The following NHLRC2 variants were observed in gnomAD, a reference collection of about 807,000 sequenced individuals.
The protein encoded by NHLRC2 is NHL repeat containing 2, also known as NHL repeat-containing protein 2.
Under a neutral mutation model 68.1 loss-of-function variants are expected in NHLRC2, and 33 were observed. The observed-to-expected ratio is 0.48, with a 90% confidence interval of 0.37 to 0.65. NHLRC2 has a LOEUF of 0.65. NHLRC2 is among the 30% of genes least tolerant of loss of function. NHLRC2 has a pLI of 0.00. For missense variants in NHLRC2, 761 were observed against 853.8 expected (o/e 0.89, Z 1.35); for synonymous variants, 311 against 309.6 (o/e 1.00, Z -0.05).
chr10:113,884,360 A>G lies in NHLRC2; in HGVS notation c.1019A>G (p.Asp340Gly), dbSNP rs1846062779. 6.2e-7 allele frequency: 1 copy of G among 1,609,820 alleles called. No individual in the cohort carries two copies. The highest frequency in any genetic ancestry group is 8.5e-7 in the Non-Finnish European group (1 of 1,176,962). Reference protein sequence around the residue: ...GEQQPISSPWDVVFGTSGSEV... With the variant: ...GEQQPISSPWGVVFGTSGSEV... ...CAACAACCCATTAGTTCCCCTTGGG[A>G]TGTAGTTTTTGGAACATCAGGTATG... Residue 340 changes from aspartate to glycine, a missense_variant, in exon 5 of 11, where the codon GAT becomes GGT. By Grantham distance (94) the Asp-to-Gly change is moderately conservative (BLOSUM62 -1). Coordinates refer to ENST00000369301, the MANE Select transcript of NHLRC2 (RefSeq NM_198514.4).
intron 2 of NHLRC2, among the ~76,000 whole-genome samples, chr10:113,872,011 G>A (rs1845930360): frequency 1.3e-5 from 2 of 152,096 alleles, no homozygotes; most frequent in Admixed American, 1.3e-4. Context: ...TTTAGACAAC[G>A]CACAAACAGA....
Position 113,884,263 on chromosome 10 carries a change from G to A in NHLRC2, c.922G>A (p.Ala308Thr). The change falls in exon 5 of 11, where the codon GCT becomes ACT. Residue 308 changes from alanine to threonine, a missense_variant. Ala to Thr is a moderately conservative substitution (Grantham distance 58). Coordinates refer to ENST00000369301, the MANE Select transcript of NHLRC2 (RefSeq NM_198514.4). ...NHLIRKIDLE[A>T]EKVSTVAGIG... The stretch of plus-strand genomic sequence containing the variant: ...TGAATTTCTATAGATTGACCTAGAA[G>A]CTGAGAAGGTGAGCACTGTAGCTGG... 1.2e-6 allele frequency: 2 copies of A among 1,609,184 alleles called. No homozygotes were observed. The highest frequency in any genetic ancestry group is 1.7e-6 in the Non-Finnish European group (2 of 1,176,642).
rs200757193 is a variant in NHLRC2, at chr10:113,891,206, C to A, written c.1039+6826C>A. On this transcript the variant is annotated intron_variant, in intron 5 of 10. Transcript: ENST00000369301. ...TTTAATATAGCATTTGTATTTCTTA[C>A]AGATTCATCTCTGCTGAAATTCCTT... 5.9e-5 allele frequency among the ~76,000 whole-genome samples: 9 copies of A among 152,278 alleles called. No individual in the cohort carries two copies. In the East Asian group the frequency reaches 1.7e-3, roughly 29 times the overall value.
In NHLRC2 at chr10:113,909,328, A is replaced by C. The variant is rs1008127103; in HGVS notation, c.*792A>C. 1 of 152,194 alleles carries C rather than the reference A, an allele frequency of 6.6e-6. No individual in the cohort carries two copies. The highest frequency in any genetic ancestry group is 2.4e-5 in the African/African-American group (1 of 41,460). The allele number at this position is 152,194 out of a possible 1,614,324, so 9.4% of individuals were successfully genotyped here. A position where few individuals can be genotyped will look rare whatever the true frequency, so the allele number is the denominator to read the frequency against. On this transcript the variant is annotated 3_prime_UTR_variant, in exon 11 of 11. Coordinates refer to ENST00000369301, the MANE Select transcript of NHLRC2 (RefSeq NM_198514.4). ...TTCAAGGAAAAAGGGACTTTAGGAC[A>C]CATTACTTAGTGTCTGTGATAAATA...
chr10:113,861,085 C>T (rs550738007), intron 2 of NHLRC2, among the ~76,000 whole-genome samples: 17 of 152,006 alleles, frequency 1.1e-4, no homozygotes, highest in African/African-American at 4.1e-4. Context: ...TGTAGAGACT[C>T]GAAGACAGAT....
chr10:113,859,932 T>C (rs1181715961), intron 2 of NHLRC2, among the ~76,000 whole-genome samples: 1 of 152,192 alleles, frequency 6.6e-6, no homozygotes, highest in Non-Finnish European at 1.5e-5. Flanking sequence ...GAAGGGACAC[T>C]CCTGGCTGAG....
chr10:113,880,875 G>T (rs907268761), intron 4 of NHLRC2, among the ~76,000 whole-genome samples: 2 of 151,812 alleles, frequency 1.3e-5, no homozygotes, highest in Non-Finnish European at 3.0e-5. Flanking sequence ...GATTTTGTGG[G>T]TTAATACATT....
At chr10:113,904,728 A>G (rs1846259184) in intron 9 of NHLRC2, 89 bp from the exon 10 acceptor site, 1 of 949,862 alleles carries the variant, frequency 1.1e-6, no homozygotes, top group Non-Finnish European at 1.6e-6. Context: ...ATAGAACTTC[A>G]TTATTCTACT....
chr10:113,894,401 T>C (rs1361854387), intron 5 of NHLRC2, among the ~76,000 whole-genome samples: 1 of 152,210 alleles, frequency 6.6e-6, no homozygotes, highest in African/African-American at 2.4e-5. Flanking sequence ...AATTTTCTTG[T>C]ATATTTGCTG....
chr10:113,891,714 T>C (rs780366194), intron 5 of NHLRC2, among the ~76,000 whole-genome samples: 13 of 152,182 alleles, frequency 8.5e-5, no homozygotes, highest in Non-Finnish European at 1.5e-4. Context: ...TCTCCACTCT[T>C]GCAGCCGTCC....
Position 113,914,874 on chromosome 10 carries a change from C to T in NHLRC2, c.*6338C>T, listed in dbSNP as rs1327875539. On this transcript the variant is annotated 3_prime_UTR_variant, in exon 11 of 11. Transcript: ENST00000369301. The stretch of plus-strand genomic sequence containing the variant: ...ATAGTATTAAAAGTCAGAGGCTTTA[C>T]TAATCTACCTATATGTATTCCATGG... 1 of 380,794 alleles carries T rather than the reference C, an allele frequency of 2.6e-6. No individual in the cohort carries two copies. Among genetic ancestry groups the T allele is most frequent in the Non-Finnish European group, 5.1e-6 (1 of 195,972 alleles). The allele number at this position is 380,794 out of a possible 1,614,324, so 23.6% of individuals were successfully genotyped here. A position where few individuals can be genotyped will look rare whatever the true frequency, so the allele number is the denominator to read the frequency against.
At chr10:113,861,345 C>CA (rs905806320) in intron 2 of NHLRC2, among the ~76,000 whole-genome samples, 1 of 152,140 alleles carries the variant, frequency 6.6e-6, no homozygotes, top group Admixed American at 6.5e-5. Context: ...AGGATGAACT[C>CA]AAAGAGAATC....
At chr10:113,890,266 A>G (rs1846119309) in intron 5 of NHLRC2, among the ~76,000 whole-genome samples, 1 of 152,112 alleles carries the variant, frequency 6.6e-6, no homozygotes, top group Non-Finnish European at 1.5e-5. Context: ...TTTGAAAGTT[A>G]TTTTTATTGC....
chr10:113,866,039 A>T (rs1006929256), intron 2 of NHLRC2, among the ~76,000 whole-genome samples: 8 of 152,354 alleles, frequency 5.3e-5, no homozygotes, highest in African/African-American at 1.9e-4. Flanking sequence ...AAAGCCAAAA[A>T]TGCTCCACTG....
intron 2 of NHLRC2, 61 bp downstream of exon 2, chr10:113,858,741 T>C: frequency 2.4e-6 from 3 of 1,230,720 alleles, no homozygotes; most frequent in Non-Finnish European, 3.5e-6. Flanking sequence ...GAAGAGTGGC[T>C]GACTCATTAG....
In NHLRC2 at chr10:113,898,221, C is replaced by T. The variant is rs1846193146; in HGVS notation, c.1139+12C>T. The T allele has an allele frequency of 3.2e-6, 5 of 1,551,016 alleles. No individual in the cohort carries two copies. Among genetic ancestry groups the T allele is most frequent in the South Asian group, 2.2e-5 (2 of 89,712 alleles). ...CTGCCAAAGAAAAAGTAAGTGACAG[C>T]CTCTCTCTTTGAGTAGACTGTACTA... On this transcript the variant is annotated intron_variant, in intron 6 of 10. Coordinates refer to ENST00000369301, the MANE Select transcript of NHLRC2 (RefSeq NM_198514.4).
rs182073168 is a variant in NHLRC2 at position 113,864,745 on chromosome 10, A to G, written c.331+6065A>G. ...ACACAAAAATGGGTTTTTAACAACTATTTTAAAAATGAACCTTACAAGGTC... is the reference window on the plus strand; with the variant it reads ...ACACAAAAATGGGTTTTTAACAACTGTTTTAAAAATGAACCTTACAAGGTC... On this transcript the variant is annotated intron_variant, in intron 2 of 10. Transcript: ENST00000369301. 5.1e-3 allele frequency among the ~76,000 whole-genome samples: 766 copies of G among 151,472 alleles called. 6 individuals carry two copies. Among genetic ancestry groups the G allele is most frequent in the African/African-American group, 0.017 (722 of 41,350 alleles).
At position 113,908,396 on chromosome 10, in the gene NHLRC2, T is replaced by A; in HGVS notation, c.2041T>A (p.Ser681Thr). 6.2e-7 allele frequency: 1 copy of A among 1,614,172 alleles called. No individual in the cohort carries two copies. The highest frequency in any genetic ancestry group is 8.5e-7 in the Non-Finnish European group (1 of 1,180,000). Residue 681 changes from serine (S) to threonine (T), a missense_variant, in exon 11 of 11, where the codon TCT becomes ACT. Ser to Thr is a moderately conservative substitution (Grantham distance 58, BLOSUM62 1). Coordinates refer to ENST00000369301, the MANE Select transcript of NHLRC2 (RefSeq NM_198514.4). ...TTGCTTATCACTTGAAGCCATTGTA[T>A]CTGTCAGTGTGTTTCTTTATTACTG... ...DDCLSLEAIV[S>T]VSVFLYYCSA...
rs775137242 is a variant in NHLRC2 at position 113,901,802 on chromosome 10, T to C, written c.1276T>C (p.Leu426=). The change falls in exon 7 of 11, where the codon TTG becomes CTG. Residue 426 remains leucine, a synonymous_variant. Coordinates refer to ENST00000369301, the MANE Select transcript of NHLRC2 (RefSeq NM_198514.4). The stretch of plus-strand genomic sequence containing the variant: ...GGCCTCTGAAGATCCCTGGAGCTGC[T>C]TGTTTGTAGCAGATAGTGAGAGCAG... ...SLASEDPWSC[L]FVADSESSTV... 13 of 1,614,132 alleles carry C rather than the reference T, an allele frequency of 8.1e-6. No homozygotes were observed. Among genetic ancestry groups the C allele is most frequent in the Non-Finnish European group, 1.1e-5 (13 of 1,179,988 alleles).
Sources: allele counts gnomAD v4.1 joint callset (sites outside exome capture counted in the v4.1 genomes callset), GRCh38; gene constraint gnomAD v4.1.1; transcripts MANE v1.5; gene names NCBI Gene and HGNC (gene_info 2026-07-23, HGNC 2026-07-21).